RNLS: variants seen among roughly 807,000 people sequenced by gnomAD.
RNLS encodes renalase, FAD dependent amine oxidase.
RNLS carries 39 observed loss-of-function variants against 39.8 expected under a neutral mutation model. The observed-to-expected ratio is 0.98, with a 90% CI of 0.76 to 1.28. The LOEUF is 1.28. Ranked by LOEUF, RNLS falls within the 50% of genes most tolerant of loss-of-function variation. The probability of loss-of-function intolerance (pLI) is 0.00; values close to 1 mark genes in which losing one functional copy is unlikely to be tolerated. For missense variants in RNLS, 410 were observed against 413.3 expected, an observed-to-expected ratio of 0.99 and a Z score of 0.07; for synonymous variants, 147 against 150.7, an observed-to-expected ratio of 0.98 and a Z score of 0.18.
intron 4 of RNLS, among the ~76,000 whole-genome samples, chr10:88,440,383 A>G (rs1841644621): frequency 1.3e-5 from 2 of 152,222 alleles, no homozygotes; most frequent in African/African-American, 4.8e-5. Flanking sequence ...GTCTTCCCAG[A>G]CATACATATA....
At chr10:88,304,093 C>T (rs1414943580) in intron 6 of RNLS, among the ~76,000 whole-genome samples, 1 of 152,200 alleles carries the variant, frequency 6.6e-6, no homozygotes, top group East Asian at 1.9e-4. Context: ...TAAGTGTTGG[C>T]CCCCTACAGT....
intron 4 of RNLS, among the ~76,000 whole-genome samples, chr10:88,567,248 G>A (rs1309449206): frequency 6.6e-6 from 1 of 152,040 alleles, no homozygotes; most frequent in Non-Finnish European, 1.5e-5. Context: ...GCCAAACACA[G>A]CTCAAGTGCA....
chr10:88,197,598 A>G, the RNLS span, among the ~76,000 whole-genome samples: 3 of 152,244 alleles, frequency 2.0e-5, no homozygotes, highest in East Asian at 5.8e-4. Flanking sequence ...TGTAATTTTT[A>G]AAGAAACCCA....
the RNLS span, among the ~76,000 whole-genome samples, chr10:88,203,437 C>CACGTATGTGTATATATATATATACGTGT: frequency 4.4e-4 from 1 of 2,260 alleles, no homozygotes; most frequent in African/African-American, 3.5e-3. Context: ...TATATATATA[C>CACGTATGTGTATATATATATATACGTGT]GTGTGTGTGT....
chr10:88,176,385 A>C, the RNLS span, among the ~76,000 whole-genome samples: 5 of 152,118 alleles, frequency 3.3e-5, no homozygotes, highest in African/African-American at 1.2e-4. Flanking sequence ...CATTTTGGCC[A>C]GCATGGTCTT....
chr10:88,381,977 C>T (rs1186111541), intron 4 of RNLS, among the ~76,000 whole-genome samples: 3 of 152,032 alleles, frequency 2.0e-5, no homozygotes, highest in Non-Finnish European at 4.4e-5. Flanking sequence ...TGGAACCAGC[C>T]ATGCTCTTTC....
chr10:88,559,811 C>T (rs1250095342), intron 4 of RNLS, among the ~76,000 whole-genome samples: 1 of 151,994 alleles, frequency 6.6e-6, no homozygotes, highest in African/African-American at 2.4e-5. Context: ...ACACACATTG[C>T]ACAATGGATT....
At chr10:88,204,946 A>T in the RNLS span, among the ~76,000 whole-genome samples, 1 of 152,180 alleles carries the variant, frequency 6.6e-6, no homozygotes, top group Non-Finnish European at 1.5e-5. Context: ...TGAAATGAAC[A>T]ATTGTAGCAC....
chr10:88,495,775 A>G (rs2134084707), intron 4 of RNLS, among the ~76,000 whole-genome samples: 1 of 152,262 alleles, frequency 6.6e-6, no homozygotes, highest in South Asian at 2.1e-4. Flanking sequence ...GGCAAAGCCC[A>G]AGTGACAAGG....
chr10:88,187,169 T>TATATATATAATATATATAATATATATATA, the RNLS span, among the ~76,000 whole-genome samples: 1 of 116,528 alleles, frequency 8.6e-6, no homozygotes, highest in African/African-American at 3.4e-5. Context: ...ATATATATAA[T>TATATATATAATATATATAATATATATATA]ATATATATAA....
chr10:88,240,637 C>T, the RNLS span, among the ~76,000 whole-genome samples: 1 of 152,094 alleles, frequency 6.6e-6, no homozygotes, highest in African/African-American at 2.4e-5. Context: ...CAATCACCAG[C>T]TTCTATCAAT....
rs10887836 is a variant in RNLS, at chr10:88,581,294, G to A, written c.367+273C>T. 0.2 allele frequency among the ~76,000 whole-genome samples: 25,381 copies of A among 129,496 alleles called. 2,549 individuals are homozygous for A. The highest frequency in any genetic ancestry group is 0.45 in the East Asian group (1,942 of 4,324). The allele number at this position is 129,496 out of a possible 152,430, so 85.0% of individuals were successfully genotyped here. On this transcript the variant is annotated intron_variant, in intron 3 of 6. Coordinates refer to ENST00000331772, the MANE Select transcript of RNLS (RefSeq NM_001031709.3). Reference sequence around the variant, plus strand: ...AATATATATGTATGTGTGTGTGTGTGTATATATATATATATATATATACAT... The same window carrying A: ...AATATATATGTATGTGTGTGTGTGTATATATATATATATATATATATACAT...
intron 4 of RNLS, among the ~76,000 whole-genome samples, chr10:88,561,419 G>A (rs983070947): frequency 3.3e-5 from 5 of 152,020 alleles, no homozygotes; most frequent in Non-Finnish European, 2.9e-5. Context: ...TTTAACATAC[G>A]GCAAATGAGG....
the RNLS span, among the ~76,000 whole-genome samples, chr10:88,250,444 A>C: frequency 6.6e-6 from 1 of 152,216 alleles, no homozygotes; most frequent in Non-Finnish European, 1.5e-5. Flanking sequence ...TGGCAGGTAA[A>C]TGAATGAAAT....
At chr10:88,571,566 G>A (rs142708427) in intron 4 of RNLS, among the ~76,000 whole-genome samples, 13 of 152,308 alleles carry the variant, frequency 8.5e-5, no homozygotes, top group African/African-American at 1.9e-4. Context: ...AATGAACACC[G>A]TCAGCTAGGA....
chr10:88,196,217 G>A, the RNLS span, among the ~76,000 whole-genome samples: 106,808 of 147,524 alleles, frequency 0.72, 39,079 homozygotes, highest in Non-Finnish European at 0.78. Flanking sequence ...GAAAAAGAAG[G>A]GGAAAGTGGG....
intron 4 of RNLS, among the ~76,000 whole-genome samples, chr10:88,416,779 G>A (rs565573341): frequency 6.6e-6 from 1 of 152,240 alleles, no homozygotes; most frequent in East Asian, 1.9e-4. Context: ...TAAAAAGGAT[G>A]TGGCAATTTT....
At chr10:88,469,783 TA>T (rs1318876016) in intron 4 of RNLS, among the ~76,000 whole-genome samples, 1 of 151,328 alleles carries the variant, frequency 6.6e-6, no homozygotes, top group African/African-American at 2.4e-5. Context: ...TCCAAGGAAA[TA>T]ATGGATCCAT....
the RNLS span, among the ~76,000 whole-genome samples, chr10:88,242,989 G>A: frequency 6.6e-6 from 1 of 151,214 alleles, no homozygotes; most frequent in African/African-American, 2.5e-5. Flanking sequence ...CCATAAGGGA[G>A]TGAGGAAACC....
Sources: gnomAD v4.1 joint callset for allele counts (sites outside exome capture counted in the v4.1 genomes callset) on GRCh38, gnomAD v4.1.1 for gene constraint, MANE v1.5 for transcripts, NCBI Gene and HGNC (gene_info 2026-07-23, HGNC 2026-07-21) for gene names.